C4orf50: variants seen among roughly 807,000 people sequenced by gnomAD.
C4orf50 encodes uncharacterized protein C4orf50.
In C4orf50, 80 loss-of-function variants were observed where a neutral mutation model predicts 77.2. The observed-to-expected ratio is 1.04, with a 90% CI of 0.87 to 1.25. C4orf50 has a LOEUF of 1.25. Ranked by LOEUF, C4orf50 falls within the 50% of genes most tolerant of loss-of-function variation. The pLI, the probability that C4orf50 is intolerant of heterozygous loss-of-function variation, is 0.00. For synonymous variants in C4orf50, 532 were observed against 465.3 expected (o/e 1.14, Z -1.84); for missense variants, 1,257 against 1,152.9 (o/e 1.09, Z -1.31).
chr4:5,942,501 A>G (rs1028346143), intron 7 of C4orf50, among the ~76,000 whole-genome samples: 1 of 152,266 alleles, frequency 6.6e-6, no homozygotes, highest in African/African-American at 2.4e-5. Flanking sequence ...AATGCCCAGC[A>G]CAAAGTAAGT....
At chr4:5,994,126 C>A (rs1721445239) in intron 26 of C4orf50, among the ~76,000 whole-genome samples, 1 of 152,308 alleles carries the variant, frequency 6.6e-6, no homozygotes, top group East Asian at 1.9e-4. Context: ...TGAGCCCGAG[C>A]CAAAGGCCCC....
rs143261832 is a variant in C4orf50 at position 5,961,727 on chromosome 4, G to A, written c.4276-2101C>T. ...CTTCAGTGGCCGAGTGATAGGATGA[G>A]GCTAATGATATAGAGGGCGAAACAT... On this transcript the variant is annotated intron_variant, in intron 33 of 33. Transcript: ENST00000531445. Among the ~76,000 whole-genome samples the A allele has an allele frequency of 1.1e-3, 170 of 152,300 alleles. 3 individuals are homozygous for A. Among genetic ancestry groups the A allele is most frequent in the African/African-American group, 3.8e-3 (156 of 41,560 alleles).
intron 26 of C4orf50, 24 bp downstream of exon 4, chr4:5,994,323 C>G (rs1721456332): frequency 2.5e-6 from 1 of 399,078 alleles, no homozygotes; most frequent in South Asian, 1.3e-4. Context: ...GACTCGTCCT[C>G]CACGCACCGC....
At position 5,992,136 on chromosome 4, in the gene C4orf50, G is replaced by T. The variant is rs73212652; in HGVS notation, c.1221+667C>A. Among the ~76,000 whole-genome samples, 2 of 152,178 alleles carry T rather than the reference G, an allele frequency of 1.3e-5. No individual in the cohort carries two copies. The highest frequency in any genetic ancestry group is 4.8e-5 in the African/African-American group (2 of 41,450). ...CATTGCCCTGGGCTTCAAGGGAAGG[G>T]GGCGGTGAGGAGCGAGGCATATAGG... is the stretch of plus-strand genomic sequence containing the variant. On this transcript the variant is annotated intron_variant, in intron 27 of 33. Coordinates refer to ENST00000531445, the Ensembl canonical transcript of C4orf50. This position sits in a 1 kb window ranked among gnomAD's most constrained non-coding sequence, Gnocchi z 5.0.
chr4:6,002,575 T>G (rs147925079), intron 25 of C4orf50, among the ~76,000 whole-genome samples: 402 of 152,340 alleles, frequency 2.6e-3, no homozygotes, highest in African/African-American at 9.3e-3. Context: ...CCTGCTGCTG[T>G]CACTCTGTCC....
rs1722365949 is a variant in C4orf50 at position 6,008,835 on chromosome 4, C to T, written c.427-303G>A. On this transcript the variant is annotated intron_variant, in intron 24 of 33. Transcript: ENST00000531445. This position sits in a 1 kb window ranked among gnomAD's most constrained non-coding sequence, Gnocchi z 6.0. ...AGGATGGCCATCAGCGAGTACACACCCTGAGGGCCGCTGGAGATGTCCGGA... is the reference window on the plus strand; with the variant it reads ...AGGATGGCCATCAGCGAGTACACACTCTGAGGGCCGCTGGAGATGTCCGGA... Among the ~76,000 whole-genome samples the T allele has an allele frequency of 6.6e-6, 1 of 152,102 alleles. No homozygotes were observed. The highest frequency in any genetic ancestry group is 2.1e-4 in the South Asian group (1 of 4,826).
At position 6,000,333 on chromosome 4, in the gene C4orf50, G is replaced by A. The variant is rs937570332; in HGVS notation, c.964-5857C>T. Among the ~76,000 whole-genome samples, 1 of 151,916 alleles carries A rather than the reference G, an allele frequency of 6.6e-6. No individual in the cohort carries two copies. The highest frequency in any genetic ancestry group is 2.4e-5 in the African/African-American group (1 of 41,340). On this transcript the variant is annotated intron_variant, in intron 25 of 33. Transcript: ENST00000531445. The surrounding 1 kb of genome is among the most constrained non-coding windows in gnomAD (Gnocchi z 6.0). The stretch of plus-strand genomic sequence containing the variant: ...GCATCTGGCTTTGCAGTTCCTTATC[G>A]ATGGGTTCTAACACTTTAATTTATA...
chr4:6,001,696 G>A (rs1370696479), intron 25 of C4orf50, among the ~76,000 whole-genome samples: 1 of 152,214 alleles, frequency 6.6e-6, no homozygotes. Flanking sequence ...TATTCACCCA[G>A]CACCTCTTCT....
intron 25 of C4orf50, among the ~76,000 whole-genome samples, chr4:6,003,936 GGTGA>G (rs1722007574): frequency 1.0e-4 from 1 of 9,870 alleles, no homozygotes; most frequent in Non-Finnish European, 2.4e-4. Context: ...TGGTGATGAT[GGTGA>G]TGGTGATGAT....
At chr4:5,943,344 G>T (rs571132900) in intron 7 of C4orf50, among the ~76,000 whole-genome samples, 1 of 152,180 alleles carries the variant, frequency 6.6e-6, no homozygotes, top group Non-Finnish European at 1.5e-5. Context: ...AGTTTTCCCA[G>T]GGGTTCACAT....
At chr4:5,984,735 G>T (rs1239660825) in intron 28 of C4orf50, among the ~76,000 whole-genome samples, 1 of 151,662 alleles carries the variant, frequency 6.6e-6, no homozygotes, top group Non-Finnish European at 1.5e-5. Context: ...CAAAAAGTCT[G>T]AATTTCTAGA....
chr4:5,976,729 A>C (rs1720309272), intron 29 of C4orf50, among the ~76,000 whole-genome samples: 1 of 152,240 alleles, frequency 6.6e-6, no homozygotes, highest in South Asian at 2.1e-4. Context: ...AACTGTAGTG[A>C]GGATTCAGTG....
At chr4:5,990,327 T>C in exon 28 of C4orf50, 1 of 903,256 alleles carries the variant, frequency 1.1e-6, no homozygotes, top group Non-Finnish European at 1.5e-6. Flanking sequence ...CACCAAGGTT[T>C]TTCCCCTTCC....
intron 25 of C4orf50, among the ~76,000 whole-genome samples, chr4:6,003,821 G>GAT (rs1364657005): frequency 1.8e-5 from 2 of 110,612 alleles, no homozygotes; most frequent in South Asian, 3.7e-4. Context: ...TGGTGATGAT[G>GAT]GTGATGGTGA....
At chr4:6,004,205 GAT>G (rs1560598718) in intron 25 of C4orf50, among the ~76,000 whole-genome samples, 1 of 103,484 alleles carries the variant, frequency 9.7e-6, no homozygotes, top group African/African-American at 3.7e-5. Flanking sequence ...TGGTGATGGT[GAT>G]GATGGTGATG....
chr4:6,004,203 GTGA>G (rs1314723831), intron 25 of C4orf50, among the ~76,000 whole-genome samples: 1,180 of 94,456 alleles, frequency 0.012, 6 homozygotes, highest in African/African-American at 0.042. Context: ...GATGGTGATG[GTGA>G]TGATGGTGAT....
At chr4:5,991,776 AG>A (rs1721310503) in intron 27 of C4orf50, among the ~76,000 whole-genome samples, 1 of 152,080 alleles carries the variant, frequency 6.6e-6, no homozygotes, top group African/African-American at 2.4e-5. Context: ...GAGCCTTTGG[AG>A]GGTGACATAC....
intron 7 of C4orf50, among the ~76,000 whole-genome samples, chr4:5,912,275 G>C (rs576141539): frequency 3.3e-5 from 5 of 151,986 alleles, no homozygotes; most frequent in Non-Finnish European, 7.4e-5. Context: ...GTGTGTGTGT[G>C]TGTGTGTGTG....
At chr4:5,976,688 G>C (rs55984137) in intron 29 of C4orf50, among the ~76,000 whole-genome samples, 31,060 of 152,116 alleles carry the variant, frequency 0.2, 3,391 homozygotes, top group African/African-American at 0.28. Flanking sequence ...TCTGTGAAGG[G>C]GGCTCATAGG....
Sources: allele counts gnomAD v4.1 joint callset (sites outside exome capture counted in the v4.1 genomes callset), GRCh38; gene constraint gnomAD v4.1.1; non-coding constraint Gnocchi (gnomAD v3.1); transcripts MANE v1.5; gene names NCBI Gene and HGNC (gene_info 2026-07-23, HGNC 2026-07-21).